The following C8orf34 variants were observed in gnomAD, a reference collection of about 807,000 sequenced individuals.
C8orf34 encodes chromosome 8 open reading frame 34.
In C8orf34, 65 loss-of-function variants were observed where a neutral mutation model predicts 68.3. The ratio of observed to expected loss-of-function variants is 0.95; its 90% CI spans 0.78 to 1.17. The LOEUF (loss-of-function observed/expected upper bound fraction) is 1.17. Among genes scored for constraint, C8orf34 ranks in the 50% most tolerant of loss-of-function variants. The pLI is 0.00. For missense variants in C8orf34, 664 were observed against 655.4 expected (o/e 1.01, Z -0.14); for synonymous variants, 244 against 241.2 (o/e 1.01, Z -0.11).
At chr8:68,812,656 A>G (rs1453562528) in intron 12 of C8orf34, among the ~76,000 whole-genome samples, 1 of 152,172 alleles carries the variant, frequency 6.6e-6, no homozygotes, top group Non-Finnish European at 1.5e-5. Context: ...TTTTCATTGT[A>G]AATGTTCAAC....
chr8:68,748,760 G>T (rs937189549), intron 10 of C8orf34, among the ~76,000 whole-genome samples: 6 of 152,194 alleles, frequency 3.9e-5, no homozygotes, highest in Non-Finnish European at 8.8e-5. Flanking sequence ...AGAATGTGGA[G>T]AAATAGGAAC....
chr8:68,691,286 G>T (rs1820678078), intron 8 of C8orf34, among the ~76,000 whole-genome samples: 1 of 152,028 alleles, frequency 6.6e-6, no homozygotes, highest in African/African-American at 2.4e-5. Flanking sequence ...TCATGTCTCT[G>T]TGTCAGCATT....
intron 1 of C8orf34, among the ~76,000 whole-genome samples, chr8:68,376,857 T>G (rs962016696): frequency 6.6e-6 from 1 of 152,176 alleles, no homozygotes; most frequent in Non-Finnish European, 1.5e-5. Context: ...CAGAGTCCTC[T>G]GTTTCCAATT....
At chr8:68,551,525 T>C (rs1816070460) in intron 7 of C8orf34, among the ~76,000 whole-genome samples, 1 of 152,100 alleles carries the variant, frequency 6.6e-6, no homozygotes, top group African/African-American at 2.4e-5. Flanking sequence ...ACTTCTTGTT[T>C]CCTCTCTCTT....
At chr8:68,776,561 T>G (rs1823525806) in intron 11 of C8orf34, 112 bp downstream of exon 11, 21 of 769,864 alleles carry the variant, frequency 2.7e-5, no homozygotes. Context: ...CTGTATGTGT[T>G]CAATGGTCAT....
At chr8:68,481,277 T>C (rs913031985) in intron 4 of C8orf34, among the ~76,000 whole-genome samples, 8 of 152,226 alleles carry the variant, frequency 5.3e-5, no homozygotes, top group African/African-American at 1.4e-4. Flanking sequence ...AACCTCTGCC[T>C]AGATTTTAGA....
intron 9 of C8orf34, among the ~76,000 whole-genome samples, chr8:68,710,202 C>G (rs1031888487): frequency 1.3e-5 from 2 of 151,996 alleles, no homozygotes; most frequent in African/African-American, 4.8e-5. Context: ...CCAAGAAGTA[C>G]CGCAGGAACA....
At chr8:68,491,938 T>G (rs1233064815) in intron 5 of C8orf34, among the ~76,000 whole-genome samples, 1 of 152,164 alleles carries the variant, frequency 6.6e-6, no homozygotes, top group Admixed American at 6.5e-5. Flanking sequence ...GATTGGTGCC[T>G]GCCCAGTTTC....
intron 7 of C8orf34, among the ~76,000 whole-genome samples, chr8:68,603,714 A>G (rs1473926570): frequency 2.0e-5 from 3 of 152,228 alleles, no homozygotes; most frequent in South Asian, 2.1e-4. Flanking sequence ...CTGTGGACGA[A>G]AAAAACCACA....
chr8:68,658,308 A>G (rs1819568261), intron 8 of C8orf34, among the ~76,000 whole-genome samples: 1 of 142,434 alleles, frequency 7.0e-6, no homozygotes, highest in Admixed American at 7.0e-5. Flanking sequence ...TCCCCTTTGA[A>G]TAATGACTGA....
chr8:68,503,615 T>G (rs1813873131), intron 5 of C8orf34, among the ~76,000 whole-genome samples: 1 of 151,998 alleles, frequency 6.6e-6, no homozygotes, highest in African/African-American at 2.4e-5. Context: ...ACATATGAGG[T>G]GCTTTTTGGA....
chr8:68,589,771 GAAAT>G (rs1471388644), intron 7 of C8orf34, among the ~76,000 whole-genome samples: 3 of 144,830 alleles, frequency 2.1e-5, no homozygotes, highest in East Asian at 2.1e-4. Context: ...AGGAGAGAGA[GAAAT>G]AAGGAAGGTG....
intron 1 of C8orf34, among the ~76,000 whole-genome samples, chr8:68,407,794 T>A (rs1425000028): frequency 6.6e-6 from 1 of 152,196 alleles, no homozygotes; most frequent in Non-Finnish European, 1.5e-5. Flanking sequence ...TCAGCTTAAA[T>A]TTTTAAGATC....
At chr8:68,681,359 A>G (rs1820364867) in intron 8 of C8orf34, among the ~76,000 whole-genome samples, 1 of 152,156 alleles carries the variant, frequency 6.6e-6, no homozygotes, top group African/African-American at 2.4e-5. Flanking sequence ...AATCTTCACA[A>G]TTTATGTTCC....
intron 8 of C8orf34, among the ~76,000 whole-genome samples, chr8:68,699,559 C>T (rs1650091254): frequency 2.0e-5 from 3 of 152,068 alleles, no homozygotes; most frequent in Non-Finnish European, 2.9e-5. Context: ...CAGAGGCCCA[C>T]ATTCTGGTCA....
chr8:68,530,526 T>C, intron 6 of C8orf34: 2 of 712,064 alleles, frequency 2.8e-6, no homozygotes, highest in South Asian at 4.2e-5. Context: ...TTTTGATTGG[T>C]TTTGTTTACT....
chr8:68,526,321 A>T (rs1814986282), intron 6 of C8orf34, among the ~76,000 whole-genome samples: 1 of 152,160 alleles, frequency 6.6e-6, no homozygotes, highest in Non-Finnish European at 1.5e-5. Context: ...TGATGAAGTC[A>T]TCTGGACAGG....
At chr8:68,535,090 G>A (rs1370928819) in intron 7 of C8orf34, 2 of 984,938 alleles carry the variant, frequency 2.0e-6, no homozygotes, top group African/African-American at 1.7e-5. Flanking sequence ...AATGTTACAA[G>A]TCCACTGGAC....
intron 8 of C8orf34, among the ~76,000 whole-genome samples, chr8:68,670,287 G>A (rs1389413480): frequency 6.6e-6 from 1 of 152,106 alleles, no homozygotes; most frequent in Non-Finnish European, 1.5e-5. Context: ...AGTAAATGCA[G>A]GGAAGGACTC....
Sources: gnomAD v4.1 joint callset for allele counts (sites outside exome capture counted in the v4.1 genomes callset) on GRCh38, gnomAD v4.1.1 for gene constraint, MANE v1.5 for transcripts, NCBI Gene and HGNC (gene_info 2026-07-23, HGNC 2026-07-21) for gene names.